The following SPOCK1 variants were observed in gnomAD, a reference collection of about 807,000 sequenced individuals.
SPOCK1 encodes testican-1.
A neutral mutation model predicts 55.3 loss-of-function variants in SPOCK1; 23 were observed. The ratio of observed to expected loss-of-function variants is 0.42; its 90% confidence interval spans 0.30 to 0.59. SPOCK1 has a LOEUF of 0.59. SPOCK1 is among the 20% of genes least tolerant of loss of function. SPOCK1 has a pLI of 0.22. For missense variants in SPOCK1, 499 were observed against 552.5 expected (o/e 0.90, Z 0.97); for synonymous variants, 226 against 221.0 (o/e 1.02, Z -0.20).
chr5:137,431,498 C>T (rs928543545), intron 2 of SPOCK1, among the ~76,000 whole-genome samples: 1 of 152,112 alleles, frequency 6.6e-6, no homozygotes, highest in African/African-American at 2.4e-5. Flanking sequence ...TTTGTTTGTC[C>T]CCACCAAAAC....
intron 3 of SPOCK1, among the ~76,000 whole-genome samples, chr5:137,241,513 G>A (rs1016826816): frequency 1.3e-5 from 2 of 152,154 alleles, no homozygotes; most frequent in Non-Finnish European, 2.9e-5. Flanking sequence ...TAAAAATCAT[G>A]TATTGGAAAT....
rs1351716342 is a variant in SPOCK1 at position 137,112,541 on chromosome 5, G to A, written c.368C>T (p.Ala123Val). The A allele has an allele frequency of 6.2e-7, 1 of 1,613,522 alleles. No individual in the cohort carries two copies. Among genetic ancestry groups the A allele is most frequent in the South Asian group, 1.1e-5 (1 of 91,028 alleles). The change falls in exon 5 of 11, where the codon GCC becomes GTC. Residue 123 changes from alanine (A) to valine (V), a missense_variant. Transcript: ENST00000394945. The part of the protein sequence containing the change: ...LLPRQKKGNV[A>V]QKHWVGPSNL... Reference sequence around the variant, plus strand: ...CGAAGGTCCAACCCAGTGTTTCTGGGCCACGTTCCCCTTCTTTTGCCTAAA... The same window carrying A: ...CGAAGGTCCAACCCAGTGTTTCTGGACCACGTTCCCCTTCTTTTGCCTAAA...
intron 3 of SPOCK1, among the ~76,000 whole-genome samples, chr5:137,253,381 G>A (rs1756573586): frequency 6.6e-6 from 1 of 152,280 alleles, no homozygotes; most frequent in Non-Finnish European, 1.5e-5. Flanking sequence ...TTACTTATTA[G>A]ATATTCTTGC....
intron 3 of SPOCK1, among the ~76,000 whole-genome samples, chr5:137,260,746 T>C (rs1231769000): frequency 6.6e-6 from 1 of 152,230 alleles, no homozygotes; most frequent in Non-Finnish European, 1.5e-5. Context: ...ATTAATAGCT[T>C]TCTGTTTCTT....
intron 2 of SPOCK1, among the ~76,000 whole-genome samples, chr5:137,490,234 G>A (rs757881520): frequency 2.0e-5 from 3 of 152,116 alleles, no homozygotes; most frequent in Non-Finnish European, 2.9e-5. Context: ...GCCCTCTGAC[G>A]ACCCATAATG....
At chr5:137,314,712 G>A (rs893913776) in intron 2 of SPOCK1, among the ~76,000 whole-genome samples, 1 of 152,202 alleles carries the variant, frequency 6.6e-6, no homozygotes, top group South Asian at 2.1e-4. Flanking sequence ...TATTTAAAAG[G>A]ACATATGGGA....
intron 2 of SPOCK1, among the ~76,000 whole-genome samples, chr5:137,347,368 T>C (rs898442993): frequency 6.6e-6 from 1 of 152,274 alleles, no homozygotes; most frequent in Non-Finnish European, 1.5e-5. Flanking sequence ...CTGCCTGGAA[T>C]GTGAGATCTC....
chr5:137,391,839 C>T (rs1182901219), intron 2 of SPOCK1, among the ~76,000 whole-genome samples: 1 of 152,164 alleles, frequency 6.6e-6, no homozygotes, highest in African/African-American at 2.4e-5. Context: ...CTCCCCTAGC[C>T]CTGCTGCCCA....
intron 2 of SPOCK1, among the ~76,000 whole-genome samples, chr5:137,288,478 C>A (rs1465896823): frequency 1.3e-5 from 2 of 152,190 alleles, no homozygotes; most frequent in African/African-American, 2.4e-5. Context: ...AATTCTCACT[C>A]TCTACTTTGA....
chr5:137,147,744 G>A (rs1188486125), intron 3 of SPOCK1, among the ~76,000 whole-genome samples: 1 of 152,218 alleles, frequency 6.6e-6, no homozygotes, highest in Non-Finnish European at 1.5e-5. Context: ...GTGGGAATTT[G>A]AGGGGGATAA....
intron 2 of SPOCK1, among the ~76,000 whole-genome samples, chr5:137,304,863 C>T (rs907897617): frequency 1.3e-5 from 2 of 152,156 alleles, no homozygotes; most frequent in African/African-American, 4.8e-5. Context: ...TGTGACTGCA[C>T]CTACTTTGTA....
intron 2 of SPOCK1, among the ~76,000 whole-genome samples, chr5:137,353,443 C>A (rs1397430079): frequency 6.6e-6 from 1 of 152,126 alleles, no homozygotes; most frequent in Non-Finnish European, 1.5e-5. Flanking sequence ...GAACCCACTG[C>A]CGCCTTCTTG....
At position 136,992,465 on chromosome 5, in the gene SPOCK1, A is replaced by G. The variant is rs1242845430; in HGVS notation, c.706+19T>C. The G allele has an allele frequency of 2.6e-6, 4 of 1,567,156 alleles. No homozygotes were observed. Among genetic ancestry groups the G allele is most frequent in the African/African-American group, 1.4e-5 (1 of 73,312 alleles). On this transcript the variant is annotated intron_variant, in intron 7 of 10. Transcript: ENST00000394945. ...ATGTCTAATAAATTGAGGAAATGTG[A>G]TATTTAAAATGGTCTTACTGCCTTG... is the stretch of plus-strand genomic sequence containing the variant.
At chr5:137,041,651 C>T (rs1561588505) in intron 6 of SPOCK1, among the ~76,000 whole-genome samples, 1 of 152,120 alleles carries the variant, frequency 6.6e-6, no homozygotes, top group Non-Finnish European at 1.5e-5. Flanking sequence ...GTGTACAAAA[C>T]ATGGGAACAA....
intron 6 of SPOCK1, among the ~76,000 whole-genome samples, chr5:137,010,575 A>C (rs1751331640): frequency 6.6e-6 from 1 of 152,122 alleles, no homozygotes; most frequent in Admixed American, 6.6e-5. Context: ...AAGGTCCCTA[A>C]ACAGGCTAGG....
intron 2 of SPOCK1, among the ~76,000 whole-genome samples, chr5:137,285,903 A>T (rs1305822004): frequency 6.6e-6 from 1 of 152,168 alleles, no homozygotes; most frequent in Non-Finnish European, 1.5e-5. Flanking sequence ...TAAAGGGCCA[A>T]ATAGTAAATA....
chr5:137,422,422 C>T (rs972899325), intron 2 of SPOCK1, among the ~76,000 whole-genome samples: 4 of 152,208 alleles, frequency 2.6e-5, no homozygotes, highest in African/African-American at 9.6e-5. Context: ...TCAGGTACAC[C>T]AATCAGACGT....
At chr5:137,036,332 T>G (rs549605773) in intron 6 of SPOCK1, among the ~76,000 whole-genome samples, 1 of 152,076 alleles carries the variant, frequency 6.6e-6, no homozygotes, top group South Asian at 2.1e-4. Context: ...GGAGAAGGTT[T>G]GCAGGTAAGG....
chr5:137,428,338 G>A (rs1260888526), intron 2 of SPOCK1, among the ~76,000 whole-genome samples: 1 of 152,172 alleles, frequency 6.6e-6, no homozygotes, highest in Admixed American at 6.5e-5. Context: ...CACTAGGAGA[G>A]TCATGTAGGG....
Sources: gnomAD v4.1 joint callset for allele counts (sites outside exome capture counted in the v4.1 genomes callset) on GRCh38, gnomAD v4.1.1 for gene constraint, MANE v1.5 for transcripts, NCBI Gene and HGNC (gene_info 2026-07-23, HGNC 2026-07-21) for gene names.